Variants in HOXC5 observed in about 807,000 individuals in gnomAD.
HOXC5 encodes homeobox protein Hox-C5.
Under a neutral mutation model 20.1 loss-of-function variants are expected in HOXC5, and 19 were observed. That is an observed-to-expected ratio of 0.94 (90% CI 0.66 to 1.38). The LOEUF is 1.38. Ranked by LOEUF, HOXC5 falls within the 40% of genes most tolerant of loss-of-function variation. The pLI is 0.00. For synonymous variants in HOXC5, 124 were observed against 117.0 expected, an observed-to-expected ratio of 1.06 and a Z score of -0.39; for missense variants, 330 against 300.1, an observed-to-expected ratio of 1.10 and a Z score of -0.74.
At chr12:54,028,616 A>G (rs200758418), upstream of HOXC5, 108 of 1,614,008 alleles carry the variant, frequency 6.7e-5, 2 homozygotes, top group South Asian at 8.6e-4. Context: ...ACCGCCTATG[A>G]TCCAGTGAGG....
Position 54,033,218 on chromosome 12 carries a change from G to A in HOXC5, c.96G>A (p.Glu32=), listed in dbSNP as rs1194310286. The A allele has an allele frequency of 1.2e-6, 2 of 1,614,164 alleles. No homozygotes were observed. Among genetic ancestry groups the A allele is most frequent in the Non-Finnish European group, 1.7e-6 (2 of 1,180,034 alleles). ...QTCGNYGSAS[E]VQASRYCYGG... Reference sequence around the variant, plus strand: ...GTGGGAACTATGGATCGGCCTCAGAGGTGCAGGCATCCAGGTACTGCTACG... The same window carrying A: ...GTGGGAACTATGGATCGGCCTCAGAAGTGCAGGCATCCAGGTACTGCTACG... Residue 32 remains glutamate, a synonymous_variant, in exon 1 of 2, where the codon GAG becomes GAA. Coordinates refer to ENST00000312492, the MANE Select transcript of HOXC5 (RefSeq NM_018953.4).
At chr12:54,018,031 AG>A in the HOXC5 span, among the ~76,000 whole-genome samples, 2 of 151,930 alleles carry the variant, frequency 1.3e-5, no homozygotes, top group African/African-American at 4.8e-5. Context: ...ATTGGCAATT[AG>A]GGGGGAGGCT....
At chr12:54,019,190 C>G in the HOXC5 span, among the ~76,000 whole-genome samples, 8 of 143,374 alleles carry the variant, frequency 5.6e-5, no homozygotes, top group African/African-American at 1.8e-4. Flanking sequence ...CCCCCACCCC[C>G]AGTAGGACTT....
the HOXC5 span, among the ~76,000 whole-genome samples, chr12:54,025,530 G>GC: frequency 2.4e-5 from 1 of 42,046 alleles, no homozygotes; most frequent in Admixed American, 1.7e-4. Context: ...AGGTAATTGG[G>GC]GGGGGGGGAG....
At chr12:54,029,744 C>A (rs1940908951), upstream of HOXC5, 1 of 1,614,102 alleles carries the variant, frequency 6.2e-7, no homozygotes. Context: ...TCACTTCAAT[C>A]GCTACCTAAC....
At chr12:54,029,038 G>C, upstream of HOXC5, 2 of 1,002,336 alleles carry the variant, frequency 2.0e-6, no homozygotes, top group Non-Finnish European at 2.9e-6. Flanking sequence ...AATCACGCTC[G>C]TCTCCTCACC....
the HOXC5 span, chr12:54,020,720 G>C: frequency 6.6e-6 from 1 of 152,188 alleles, no homozygotes; most frequent in Non-Finnish European, 1.5e-5. Flanking sequence ...GAGGCACCGG[G>C]TGCACTGAGC....
the HOXC5 span, among the ~76,000 whole-genome samples, chr12:54,019,091 C>T: frequency 8.7e-5 from 13 of 150,002 alleles, no homozygotes; most frequent in Admixed American, 7.3e-4. Context: ...TTTCTGCCCC[C>T]GCTAAATTCC....
upstream of HOXC5, chr12:54,029,639 G>T: frequency 1.9e-6 from 3 of 1,607,118 alleles, no homozygotes; most frequent in Non-Finnish European, 2.6e-6. Flanking sequence ...AGTGTGTTTT[G>T]TGCCCGGATC....
chr12:54,026,784 A>G, the HOXC5 span, among the ~76,000 whole-genome samples: 1 of 152,142 alleles, frequency 6.6e-6, no homozygotes, highest in African/African-American at 2.4e-5. Context: ...CTCCAGGGAA[A>G]CCTTAACGTT....
chr12:54,033,833 G>C (rs1039078560), intron 1 of HOXC5: 4 of 542,014 alleles, frequency 7.4e-6, no homozygotes, highest in African/African-American at 3.9e-5. Context: ...AAAAATAGAG[G>C]GATCTGAAGG....
chr12:54,028,648 GC>G, upstream of HOXC5: 1 of 1,614,094 alleles, frequency 6.2e-7, no homozygotes, highest in East Asian at 2.2e-5. Flanking sequence ...CTATGGAGCG[GC>G]CGTTGCCCAG....
the HOXC5 span, chr12:54,016,992 AT>A: frequency 7.0e-6 from 1 of 142,836 alleles, no homozygotes; most frequent in African/African-American, 2.6e-5. Context: ...ATTAATAATT[AT>A]TTTTCCCCCA....
chr12:54,019,752 G>A, the HOXC5 span, among the ~76,000 whole-genome samples: 1 of 152,116 alleles, frequency 6.6e-6, no homozygotes, highest in Non-Finnish European at 1.5e-5. Context: ...TACCCACAGC[G>A]AGATTTGGAG....
intron 1 of HOXC5, 85 bp from the exon 2 acceptor site, chr12:54,034,193 G>C (rs1393018524): frequency 7.7e-7 from 1 of 1,298,300 alleles, no homozygotes; most frequent in Non-Finnish European, 1.1e-6. Context: ...TCCGGCCGCG[G>C]GTGGGGGCCT....
chr12:54,033,258 A>C lies in HOXC5; in HGVS notation c.136A>C (p.Ser46Arg). ...GTACTGCTACGGCGGATTGGACTTA[A>C]GCATCACTTTCCCACCGCCTGCGCC... The part of the protein sequence containing the change: ...SRYCYGGLDL[S>R]ITFPPPAPSN... The change falls in exon 1 of 2, where the codon AGC becomes CGC. Residue 46 changes from serine to arginine, a missense_variant. Transcript: ENST00000312492. 5 of 1,614,174 alleles carry C rather than the reference A, an allele frequency of 3.1e-6. No homozygotes were observed. Among genetic ancestry groups the C allele is most frequent in the Non-Finnish European group, 4.2e-6 (5 of 1,180,032 alleles).
the HOXC5 span, chr12:54,020,268 G>T: frequency 6.6e-6 from 1 of 152,258 alleles, no homozygotes; most frequent in Non-Finnish European, 1.5e-5. Context: ...TGAATCTGTG[G>T]GTCAGGGCCT....
the HOXC5 span, among the ~76,000 whole-genome samples, chr12:54,023,689 C>T: frequency 1.3e-5 from 2 of 152,214 alleles, no homozygotes; most frequent in Non-Finnish European, 2.9e-5. Flanking sequence ...ATTAGCACCC[C>T]CAAATGATAT....
chr12:54,034,048 C>G (rs2136448991), intron 1 of HOXC5: 1 of 701,870 alleles, frequency 1.4e-6, no homozygotes, highest in East Asian at 2.8e-5. Flanking sequence ...AACCCCCCCT[C>G]AGCCCCTCCG....
Sources: allele counts gnomAD v4.1 joint callset (sites outside exome capture counted in the v4.1 genomes callset), GRCh38; gene constraint gnomAD v4.1.1; transcripts MANE v1.5; gene names NCBI Gene and HGNC (gene_info 2026-07-23, HGNC 2026-07-21).